PROM1: variants seen among roughly 807,000 people sequenced by gnomAD.
PROM1 encodes the protein prominin-1.
Under a neutral mutation model 116.9 loss-of-function variants are expected in PROM1, and 105 were observed. The observed-to-expected ratio is 0.90, with a 90% CI of 0.77 to 1.06. The LOEUF (loss-of-function observed/expected upper bound fraction) is 1.06. Ranked by LOEUF, PROM1 falls within the 50% of genes least tolerant of loss-of-function variation. PROM1 has a pLI of 0.00. For synonymous variants in PROM1, 393 were observed against 387.0 expected, an observed-to-expected ratio of 1.02 and a Z score of -0.18; for missense variants, 1,122 against 1,045.2, an observed-to-expected ratio of 1.07 and a Z score of -1.01.
chr4:16,061,953 G>A (rs926596239), intron 2 of PROM1, among the ~76,000 whole-genome samples: 7 of 148,790 alleles, frequency 4.7e-5, no homozygotes, highest in South Asian at 2.1e-4. Context: ...GTGCAGTGGC[G>A]CGATCTTGAC....
intron 25 of PROM1, 77 bp from the exon 26 acceptor site, chr4:15,979,540 A>G: frequency 6.7e-7 from 1 of 1,492,364 alleles, no homozygotes; most frequent in Non-Finnish European, 8.9e-7. Flanking sequence ...TTACAAAGAC[A>G]ATGTAATGGT....
chr4:15,993,640 G>A (rs1048079107), intron 16 of PROM1, among the ~76,000 whole-genome samples: 4 of 152,200 alleles, frequency 2.6e-5, no homozygotes, highest in Admixed American at 2.6e-4. Flanking sequence ...CTTGGAGTGA[G>A]AGCCTTCCTG....
In PROM1 at chr4:15,994,025, T is replaced by A; in HGVS notation, c.1729A>T (p.Asn577Tyr). 10 of 1,614,034 alleles carry A rather than the reference T, an allele frequency of 6.2e-6. No individual in the cohort carries two copies. Among genetic ancestry groups the A allele is most frequent in the Non-Finnish European group, 8.5e-6 (10 of 1,179,884 alleles). Reference sequence around the variant, plus strand: ...AGATGTTCACTGATATTGAAGCTGTTCTGCAGGTGAAGAGTGCCGTAAGTG... The same window carrying A: ...AGATGTTCACTGATATTGAAGCTGTACTGCAGGTGAAGAGTGCCGTAAGTG... ...RGTYGTLHLQNSFNISEHLNI... is the reference protein window; with the variant it reads ...RGTYGTLHLQYSFNISEHLNI... The change falls in exon 16 of 28, where the codon AAC becomes TAC. Residue 577 changes from asparagine (N) to tyrosine (Y), a missense_variant. Coordinates refer to ENST00000447510, the MANE Select transcript of PROM1 (RefSeq NM_006017.3).
At chr4:16,025,980 G>C (rs184096267) in intron 5 of PROM1, among the ~76,000 whole-genome samples, 1 of 152,204 alleles carries the variant, frequency 6.6e-6, no homozygotes, top group African/African-American at 2.4e-5. Flanking sequence ...GGTGGTGCTG[G>C]AAGTCAGTGG....
At chr4:16,071,282 G>C (rs1560616981) in intron 2 of PROM1, among the ~76,000 whole-genome samples, 1 of 152,140 alleles carries the variant, frequency 6.6e-6, no homozygotes, top group African/African-American at 2.4e-5. Flanking sequence ...TTCAATAAAT[G>C]CTTGTCCAAC....
chr4:16,000,322 T>A (rs1723444504), intron 14 of PROM1, among the ~76,000 whole-genome samples, 174 bp downstream of exon 14: 1 of 152,240 alleles, frequency 6.6e-6, no homozygotes, highest in Non-Finnish European at 1.5e-5. Flanking sequence ...AGAAAGGATC[T>A]ACTGAATTTA....
At chr4:15,987,824 G>T in intron 19 of PROM1, 108 bp from the exon 20 acceptor site, 1 of 798,596 alleles carries the variant, frequency 1.3e-6, no homozygotes, top group Non-Finnish European at 2.0e-6. Context: ...TCTTTACACT[G>T]TAATGGTTTC....
chr4:16,049,833 A>G (rs1578213128), intron 2 of PROM1, among the ~76,000 whole-genome samples: 1 of 152,174 alleles, frequency 6.6e-6, no homozygotes, highest in South Asian at 2.1e-4. Flanking sequence ...TGCAGGCTTC[A>G]GCTTCAGCAT....
intron 13 of PROM1, among the ~76,000 whole-genome samples, chr4:16,001,558 T>C (rs1723852891): frequency 6.6e-6 from 1 of 152,134 alleles, no homozygotes; most frequent in Non-Finnish European, 1.5e-5. Context: ...AAGGTAACTA[T>C]GTGGGTGTGA....
chr4:16,003,441 C>G (rs972121204), intron 13 of PROM1: 14 of 456,160 alleles, frequency 3.1e-5, no homozygotes, highest in Non-Finnish European at 4.4e-5. Context: ...CTTTCCATAA[C>G]CTCAGAAACT....
intron 14 of PROM1, among the ~76,000 whole-genome samples, chr4:15,999,691 C>T (rs373410765): frequency 3.2e-4 from 48 of 152,056 alleles, no homozygotes; most frequent in East Asian, 1.3e-3. Flanking sequence ...ATCATTTGAC[C>T]TGCTGGTGAT....
chr4:16,045,254 A>G (rs1438763692), intron 2 of PROM1, among the ~76,000 whole-genome samples: 1 of 152,056 alleles, frequency 6.6e-6, no homozygotes, highest in African/African-American at 2.4e-5. Flanking sequence ...ATGGACATAC[A>G]CGCACACCAC....
At position 15,994,056 on chromosome 4, in the gene PROM1, A is replaced by AT. The variant is rs762078182; in HGVS notation, c.1697dup (p.Asn566LysfsTer2). On this transcript the variant is annotated frameshift_variant, in exon 16 of 28. Coordinates refer to ENST00000447510, the MANE Select transcript of PROM1 (RefSeq NM_006017.3). LOFTEE classifies it high-confidence loss of function. ...GGTGAAGAGTGCCGTAAGTGCCTCT[A>AT]TTTTTTTTGCAGTCACTGTGGGAAT... is the stretch of plus-strand genomic sequence containing the variant. The AT allele has an allele frequency of 2.2e-5, 35 of 1,609,374 alleles. No homozygotes were observed. Among genetic ancestry groups the AT allele is most frequent in the Non-Finnish European group, 2.7e-5 (32 of 1,177,310 alleles).
chr4:16,065,180 G>A (rs913739909), intron 2 of PROM1, among the ~76,000 whole-genome samples: 9 of 152,070 alleles, frequency 5.9e-5, no homozygotes, highest in African/African-American at 2.2e-4. Flanking sequence ...GCACCCTGAC[G>A]GCATGACATT....
At chr4:16,070,471 A>C (rs1054006424) in intron 2 of PROM1, among the ~76,000 whole-genome samples, 3 of 152,192 alleles carry the variant, frequency 2.0e-5, no homozygotes, top group African/African-American at 7.2e-5. Flanking sequence ...CTGCTTCCTT[A>C]AAGTTTCAGT....
intron 26 of PROM1, among the ~76,000 whole-genome samples, chr4:15,978,454 G>A (rs1377045908): frequency 6.6e-6 from 1 of 152,202 alleles, no homozygotes; most frequent in East Asian, 1.9e-4. Context: ...ATAAGGATGT[G>A]CCTGACTGGT....
rs548197663 is a variant in PROM1, at chr4:15,989,717, G to A, written c.2076+15C>T. 6.4e-6 allele frequency: 10 copies of A among 1,571,712 alleles called. No homozygotes were observed. In the East Asian group the frequency reaches 1.1e-4, roughly 18 times the overall value. The stretch of plus-strand genomic sequence containing the variant: ...CTCAGGTCACAGTGAAATACAATAC[G>A]TCGTTGACTGTTACCAGTGATTGTT... On this transcript the variant is annotated intron_variant, in intron 19 of 27. Transcript: ENST00000447510.
chr4:16,049,943 A>G (rs1737461487), intron 2 of PROM1, among the ~76,000 whole-genome samples: 1 of 152,062 alleles, frequency 6.6e-6, no homozygotes, highest in African/African-American at 2.4e-5. Context: ...TTATTTCACT[A>G]TTCTTCCACC....
chr4:16,075,612 T>G (rs1743782870), intron 2 of PROM1, 75 bp downstream of exon 2: 1 of 1,352,402 alleles, frequency 7.4e-7, no homozygotes, highest in African/African-American at 1.5e-5. Context: ...ATATATTGAT[T>G]GCATTGACAT....
Sources: gnomAD v4.1 joint callset for allele counts (sites outside exome capture counted in the v4.1 genomes callset) on GRCh38, gnomAD v4.1.1 for gene constraint, MANE v1.5 for transcripts, NCBI Gene and HGNC (gene_info 2026-07-23, HGNC 2026-07-21) for gene names.